ZNF385D: variants seen among roughly 807,000 people sequenced by gnomAD.
ZNF385D encodes the protein zinc finger protein 385D.
In ZNF385D, 15 loss-of-function variants were observed where a neutral mutation model predicts 35.8. The observed-to-expected ratio is 0.42, with a 90% confidence interval of 0.28 to 0.64. The LOEUF (loss-of-function observed/expected upper bound fraction) is 0.64, where lower values mean the gene tolerates loss of function less well. Ranked by LOEUF, ZNF385D falls within the 30% of genes least tolerant of loss-of-function variation. The pLI, the probability that ZNF385D is intolerant of heterozygous loss-of-function variation, is 0.23. For synonymous variants in ZNF385D, 212 were observed against 186.8 expected, an observed-to-expected ratio of 1.13 and a Z score of -1.10; for missense variants, 474 against 494.6, an observed-to-expected ratio of 0.96 and a Z score of 0.39.
intron 2 of ZNF385D, among the ~76,000 whole-genome samples, chr3:21,620,384 C>T (rs1434624141): frequency 2.0e-5 from 3 of 152,254 alleles, no homozygotes; most frequent in East Asian, 3.9e-4. Flanking sequence ...TCTCCTAAAT[C>T]CCCTCTTAGT....
chr3:21,971,658 A>G (rs1397882377), intron 3 of ZNF385D, among the ~76,000 whole-genome samples: 1 of 151,736 alleles, frequency 6.6e-6, no homozygotes, highest in Non-Finnish European at 1.5e-5. Flanking sequence ...TCAAATCAAA[A>G]GACATAGACT....
intron 3 of ZNF385D, among the ~76,000 whole-genome samples, chr3:21,557,096 A>G (rs1407355159): frequency 1.3e-5 from 2 of 152,206 alleles, no homozygotes; most frequent in African/African-American, 4.8e-5. Context: ...CTAAATATAC[A>G]ATCATGTCAT....
chr3:22,115,255 T>A (rs949588918), intron 3 of ZNF385D, among the ~76,000 whole-genome samples: 1 of 152,054 alleles, frequency 6.6e-6, no homozygotes, highest in African/African-American at 2.4e-5. Flanking sequence ...AGGGAGAATG[T>A]TAGACATTAC....
At chr3:21,612,851 A>C (rs1326320083) in intron 2 of ZNF385D, among the ~76,000 whole-genome samples, 1 of 152,186 alleles carries the variant, frequency 6.6e-6, no homozygotes, top group African/African-American at 2.4e-5. Context: ...AGATCAAATT[A>C]ATTCACATGT....
rs1700532831 is a variant in ZNF385D at position 21,414,319 on chromosome 3, A to G, written c.*6895T>C. The G allele has an allele frequency of 6.6e-6, 1 of 152,096 alleles. No individual in the cohort carries two copies. Among genetic ancestry groups the G allele is most frequent in the African/African-American group, 2.4e-5 (1 of 41,446 alleles). 9.4% of individuals were successfully genotyped at this position (152,096 alleles called of 1,614,324 possible). ...ATGACTAAAAATATTCCCCGAAGAAACAATGTTCTTTGCATATAGCTCCAT... is the reference window on the plus strand; with the variant it reads ...ATGACTAAAAATATTCCCCGAAGAAGCAATGTTCTTTGCATATAGCTCCAT... On this transcript the variant is annotated 3_prime_UTR_variant, in exon 8 of 8. Coordinates refer to ENST00000281523, the MANE Select transcript of ZNF385D (RefSeq NM_024697.3).
intron 3 of ZNF385D, among the ~76,000 whole-genome samples, chr3:22,146,188 G>A (rs1384219485): frequency 6.6e-6 from 1 of 152,116 alleles, no homozygotes; most frequent in African/African-American, 2.4e-5. Flanking sequence ...TAAAAAAGTA[G>A]CAAAGTTTCA....
At chr3:21,667,267 T>A (rs564717542) in intron 1 of ZNF385D, among the ~76,000 whole-genome samples, 20 of 152,264 alleles carry the variant, frequency 1.3e-4, no homozygotes, top group Middle Eastern at 3.4e-3. Context: ...GCTTAGCTGA[T>A]CTTCTCACCT....
At chr3:21,625,085 T>A (rs980465324) in intron 2 of ZNF385D, among the ~76,000 whole-genome samples, 1 of 152,130 alleles carries the variant, frequency 6.6e-6, no homozygotes, top group Non-Finnish European at 1.5e-5. Context: ...TGTAACAAGA[T>A]AGATCAAAAT....
intron 3 of ZNF385D, among the ~76,000 whole-genome samples, chr3:21,944,771 ATTATT>A (rs1448833661): frequency 3.3e-5 from 5 of 152,112 alleles, no homozygotes; most frequent in Non-Finnish European, 7.4e-5. Context: ...AATTAAGATT[ATTATT>A]TTATATTATT....
At chr3:22,087,262 G>A (rs544627901) in intron 3 of ZNF385D, among the ~76,000 whole-genome samples, 2 of 151,694 alleles carry the variant, frequency 1.3e-5, no homozygotes, top group African/African-American at 2.4e-5. Flanking sequence ...CTATAAAATA[G>A]GCATTTGACA....
At chr3:22,165,939 T>A (rs955638135) in intron 3 of ZNF385D, among the ~76,000 whole-genome samples, 2 of 152,204 alleles carry the variant, frequency 1.3e-5, no homozygotes, top group African/African-American at 4.8e-5. Context: ...ATCAAATATC[T>A]TTGAAAACAG....
intron 2 of ZNF385D, among the ~76,000 whole-genome samples, chr3:22,222,555 A>C (rs1043736179): frequency 6.6e-6 from 1 of 152,112 alleles, no homozygotes; most frequent in Non-Finnish European, 1.5e-5. Flanking sequence ...TTATCTCTGG[A>C]CTTGAACTAG....
intron 3 of ZNF385D, among the ~76,000 whole-genome samples, chr3:21,905,182 T>C (rs1281831624): frequency 8.2e-6 from 1 of 121,256 alleles, no homozygotes; most frequent in East Asian, 2.2e-4. Flanking sequence ...CAGAGTATCA[T>C]GGTGGTCCAG....
intron 3 of ZNF385D, among the ~76,000 whole-genome samples, chr3:22,080,946 G>T (rs996485134): frequency 1.3e-5 from 2 of 152,256 alleles, no homozygotes; most frequent in African/African-American, 4.8e-5. Context: ...CCAACATGCA[G>T]AACTGTGAGG....
chr3:21,618,368 G>C (rs1327750136), intron 2 of ZNF385D, among the ~76,000 whole-genome samples: 1 of 152,190 alleles, frequency 6.6e-6, no homozygotes, highest in Non-Finnish European at 1.5e-5. Flanking sequence ...CAGAAGCTAA[G>C]AAGAGGCAAA....
At chr3:22,032,993 C>T (rs377307862) in intron 3 of ZNF385D, among the ~76,000 whole-genome samples, 3 of 152,242 alleles carry the variant, frequency 2.0e-5, no homozygotes, top group African/African-American at 7.2e-5. Context: ...AAAACTCTTG[C>T]TCTTAGACCC....
intron 2 of ZNF385D, among the ~76,000 whole-genome samples, chr3:22,316,769 G>A (rs1280844727): frequency 6.6e-6 from 1 of 152,124 alleles, no homozygotes; most frequent in Non-Finnish European, 1.5e-5. Context: ...AGCTTTTAGT[G>A]TTTGAAACTT....
In ZNF385D at chr3:21,751,067, G is replaced by A. The variant is rs1195506293; in HGVS notation, c.-151C>T. 6.6e-7 allele frequency: 1 copy of A among 1,520,918 alleles called. No individual in the cohort carries two copies. The highest frequency in any genetic ancestry group is 8.8e-7 in the Non-Finnish European group (1 of 1,134,068). The allele number at this position is 1,520,918 out of a possible 1,614,324, so 94.2% of individuals were successfully genotyped here. ...CGCCGAGAGCGTGCCTCCTCCGCGG[G>A]ATGAGCGCCTTGCAGGCTGCCTTTC... On this transcript the variant is annotated 5_prime_UTR_variant, in exon 1 of 8. Transcript: ENST00000281523.
chr3:21,804,889 G>A (rs146261826), intron 3 of ZNF385D, among the ~76,000 whole-genome samples: 51 of 152,138 alleles, frequency 3.4e-4, no homozygotes, highest in African/African-American at 1.2e-3. Flanking sequence ...AACGTTGCTT[G>A]GAAAATCAAT....
Sources: gnomAD v4.1 joint callset for allele counts (sites outside exome capture counted in the v4.1 genomes callset) on GRCh38, gnomAD v4.1.1 for gene constraint, MANE v1.5 for transcripts, NCBI Gene and HGNC (gene_info 2026-07-23, HGNC 2026-07-21) for gene names.